Variants in ASTN2 observed in about 807,000 individuals in gnomAD.
ASTN2 encodes astrotactin-2.
Under a neutral mutation model 139.8 loss-of-function variants are expected in ASTN2, and 54 were observed. That is an observed-to-expected ratio of 0.39 (90% CI 0.31 to 0.48). The LOEUF (loss-of-function observed/expected upper bound fraction) is 0.48, where lower values mean the gene tolerates loss of function less well. ASTN2 is among the 20% of genes least tolerant of loss of function. The probability of loss-of-function intolerance (pLI) is 0.95; values close to 1 mark genes in which losing one functional copy is unlikely to be tolerated. For missense variants in ASTN2, 1,565 were observed against 1,725.1 expected, an observed-to-expected ratio of 0.91 and a Z score of 1.64; for synonymous variants, 756 against 719.5, an observed-to-expected ratio of 1.05 and a Z score of -0.81.
At chr9:116,963,007 A>G (rs4838042) in intron 10 of ASTN2, among the ~76,000 whole-genome samples, 149,600 of 152,304 alleles carry the variant, frequency 0.98, 73,529 homozygotes, top group East Asian at 1. Context: ...AACTGGGAAT[A>G]CAATGATGTT....
At chr9:116,551,040 C>G (rs1478823354) in intron 19 of ASTN2, 1 of 152,128 alleles carries the variant, frequency 6.6e-6, no homozygotes, top group African/African-American at 2.4e-5. Context: ...CCTGGGAGAC[C>G]CTTGGTGAAA....
chr9:117,145,923 T>C (rs549961952), intron 3 of ASTN2, among the ~76,000 whole-genome samples: 2 of 152,140 alleles, frequency 1.3e-5, no homozygotes, highest in East Asian at 3.9e-4. Context: ...CAGATTTGAG[T>C]GGCTGGGAAA....
intron 1 of ASTN2, among the ~76,000 whole-genome samples, chr9:117,398,265 C>T (rs942583115): frequency 6.6e-6 from 1 of 152,096 alleles, no homozygotes; most frequent in African/African-American, 2.4e-5. Context: ...AATCACACTA[C>T]CACCAAAAAA....
rs375308536 is a variant in ASTN2, at chr9:116,894,630, C to T, written c.1890-30897G>A. Among the ~76,000 whole-genome samples, 15 of 152,282 alleles carry T rather than the reference C, an allele frequency of 9.9e-5. No individual in the cohort carries two copies. In the East Asian group the frequency reaches 1.2e-3, roughly 12 times the overall value. On this transcript the variant is annotated intron_variant, in intron 10 of 22. Coordinates refer to ENST00000313400, the MANE Select transcript of ASTN2 (RefSeq NM_001365068.1). ...TCAACCTCCCAAGTTGCTGGGACTA[C>T]GGGTGGGTGCCACCATGCCTGGGCT...
intron 20 of ASTN2, among the ~76,000 whole-genome samples, chr9:116,449,704 G>A (rs567467697): frequency 6.6e-6 from 1 of 152,292 alleles, no homozygotes; most frequent in African/African-American, 2.4e-5. Context: ...GGTCATAAAA[G>A]GGGATGCAGC....
At chr9:117,303,234 C>T (rs1015145472) in intron 1 of ASTN2, among the ~76,000 whole-genome samples, 2 of 152,112 alleles carry the variant, frequency 1.3e-5, no homozygotes, top group African/African-American at 4.8e-5. Context: ...GGTAGCTCAG[C>T]AATTTTTGCA....
chr9:116,600,223 C>T (rs2131754384), intron 19 of ASTN2, among the ~76,000 whole-genome samples: 1 of 149,660 alleles, frequency 6.7e-6, no homozygotes, highest in Non-Finnish European at 1.5e-5. Flanking sequence ...ACTTGGGAGG[C>T]TGAGGTGGAA....
chr9:117,189,954 A>T (rs1831303921), intron 3 of ASTN2, among the ~76,000 whole-genome samples: 1 of 152,206 alleles, frequency 6.6e-6, no homozygotes, highest in Admixed American at 6.5e-5. Context: ...GCTACACAAA[A>T]TAGGAAGTGA....
intron 10 of ASTN2, among the ~76,000 whole-genome samples, chr9:116,932,140 G>C (rs1013031479): frequency 1.3e-5 from 2 of 152,170 alleles, no homozygotes; most frequent in African/African-American, 2.4e-5. Flanking sequence ...TAAAGCAGGG[G>C]CATGACATGA....
At chr9:116,993,198 T>C (rs1434041125) in intron 7 of ASTN2, among the ~76,000 whole-genome samples, 1 of 152,188 alleles carries the variant, frequency 6.6e-6, no homozygotes, top group Non-Finnish European at 1.5e-5. Context: ...CTGAACGCTC[T>C]GGGATCCCAT....
intron 5 of ASTN2, among the ~76,000 whole-genome samples, chr9:117,055,226 G>A (rs927393262): frequency 6.6e-6 from 1 of 152,200 alleles, no homozygotes; most frequent in African/African-American, 2.4e-5. Flanking sequence ...CAACAAAAAT[G>A]TAAGTAAGTA....
At chr9:116,652,322 T>C (rs951609722) in intron 16 of ASTN2, among the ~76,000 whole-genome samples, 1 of 152,116 alleles carries the variant, frequency 6.6e-6, no homozygotes, top group Non-Finnish European at 1.5e-5. Flanking sequence ...CGAGATTCCA[T>C]CTCAGAATAA....
chr9:116,775,877 A>G (rs1029720975), intron 13 of ASTN2, among the ~76,000 whole-genome samples: 4 of 152,004 alleles, frequency 2.6e-5, no homozygotes, highest in African/African-American at 9.7e-5. Flanking sequence ...AAGCCTTCAG[A>G]CATATTTGTT....
chr9:116,993,601 A>G (rs575696565), intron 7 of ASTN2, among the ~76,000 whole-genome samples: 1 of 149,390 alleles, frequency 6.7e-6, no homozygotes, highest in African/African-American at 2.4e-5. Context: ...AATAAAGTAC[A>G]TAAGTTACTA....
chr9:117,317,647 T>C (rs529252604), intron 1 of ASTN2, among the ~76,000 whole-genome samples: 53 of 152,296 alleles, frequency 3.5e-4, no homozygotes, highest in African/African-American at 1.2e-3. Flanking sequence ...CCCAGGGCTC[T>C]TTTTAAAGAT....
At chr9:116,947,726 T>A (rs1473578022) in intron 10 of ASTN2, among the ~76,000 whole-genome samples, 1 of 152,190 alleles carries the variant, frequency 6.6e-6, no homozygotes. Flanking sequence ...GCCCCATTAA[T>A]CCAAACACTT....
intron 2 of ASTN2, among the ~76,000 whole-genome samples, chr9:117,251,431 A>G (rs1833536085): frequency 1.3e-5 from 2 of 152,034 alleles, no homozygotes; most frequent in Admixed American, 1.3e-4. Flanking sequence ...AAATTTATCT[A>G]TTTGTGCTTT....
At chr9:117,143,192 T>C (rs894497304) in intron 3 of ASTN2, among the ~76,000 whole-genome samples, 1 of 152,162 alleles carries the variant, frequency 6.6e-6, no homozygotes, top group African/African-American at 2.4e-5. Context: ...TACAAATGAA[T>C]CATGTGGTGG....
chr9:116,634,473 C>T (rs1856963309), intron 17 of ASTN2, among the ~76,000 whole-genome samples: 1 of 151,468 alleles, frequency 6.6e-6, no homozygotes, highest in Admixed American at 6.6e-5. Context: ...GCCTGTAGTC[C>T]CAGCTACTCG....
Sources: gnomAD v4.1 joint callset for allele counts (sites outside exome capture counted in the v4.1 genomes callset) on GRCh38, gnomAD v4.1.1 for gene constraint, MANE v1.5 for transcripts, NCBI Gene and HGNC (gene_info 2026-07-23, HGNC 2026-07-21) for gene names.